Variants in DYNC2H1 observed in about 807,000 individuals in gnomAD.
DYNC2H1 encodes the protein dynein cytoplasmic 2 heavy chain 1.
In DYNC2H1, 410 loss-of-function variants were observed where a neutral mutation model predicts 570.0. The ratio of observed to expected loss-of-function variants is 0.72; its 90% CI spans 0.66 to 0.78. DYNC2H1 has a LOEUF of 0.78. Ranked by LOEUF, DYNC2H1 falls within the 30% of genes least tolerant of loss-of-function variation. DYNC2H1 has a pLI of 0.00. For synonymous variants in DYNC2H1, 1,688 were observed against 1,677.6 expected (o/e 1.01, Z -0.15); for missense variants, 4,865 against 5,046.4 (o/e 0.96, Z 1.09).
At position 103,222,998 on chromosome 11, in the gene DYNC2H1, T is replaced by A. The variant is rs928713530; in HGVS notation, c.9265T>A (p.Leu3089Met). ...AKRASTAAAP[L>M]AAWVKANIQY... ...GCGTGCCAGTACTGCAGCTGCACCTTTGGCTGCCTGGGTGAAAGCCAATAT... is the reference window on the plus strand; with the variant it reads ...GCGTGCCAGTACTGCAGCTGCACCTATGGCTGCCTGGGTGAAAGCCAATAT... The change falls in exon 59 of 89, where the codon TTG becomes ATG. Residue 3089 changes from leucine to methionine, a missense_variant. Physicochemically the swap from Leu to Met is conservative, Grantham distance 15. Transcript: ENST00000375735. 6.2e-7 allele frequency: 1 copy of A among 1,613,366 alleles called. No homozygotes were observed. The highest frequency in any genetic ancestry group is 1.3e-5 in the African/African-American group (1 of 74,898).
At chr11:103,349,669 C>T (rs2566925) in intron 82 of DYNC2H1, among the ~76,000 whole-genome samples, 102,756 of 152,022 alleles carry the variant, frequency 0.68, 34,819 homozygotes, top group Admixed American at 0.73. Context: ...ATAATAAATA[C>T]ACTTCGGTGA....
chr11:103,410,884 T>C (rs1943057649), intron 84 of DYNC2H1, among the ~76,000 whole-genome samples: 1 of 152,198 alleles, frequency 6.6e-6, no homozygotes, highest in African/African-American at 2.4e-5. Flanking sequence ...GTTCATTTAT[T>C]ACTAAATATT....
intron 83 of DYNC2H1, among the ~76,000 whole-genome samples, chr11:103,359,592 T>C (rs952229340): frequency 6.6e-6 from 1 of 152,106 alleles, no homozygotes; most frequent in African/African-American, 2.4e-5. Flanking sequence ...ATTTGCCTCC[T>C]GTGACCCAAC....
chr11:103,450,810 A>T (rs1021909329), intron 85 of DYNC2H1, among the ~76,000 whole-genome samples: 4 of 152,214 alleles, frequency 2.6e-5, no homozygotes, highest in Non-Finnish European at 5.9e-5. Flanking sequence ...AATTGCAATT[A>T]TATGTGAATG....
chr11:103,447,151 G>A (rs17100918), intron 85 of DYNC2H1, among the ~76,000 whole-genome samples: 22,681 of 151,916 alleles, frequency 0.15, 1,909 homozygotes, highest in East Asian at 0.26. Flanking sequence ...ATATCACAAA[G>A]TTCTACTGAA....
rs1455725460 is a variant in DYNC2H1, at chr11:103,179,015, T to C, written c.6140-11T>C. 5.0e-6 allele frequency: 8 copies of C among 1,599,016 alleles called. No homozygotes were observed. Among genetic ancestry groups the C allele is most frequent in the East Asian group, 2.2e-5 (1 of 44,596 alleles). ...TTTTATTTTGTCTCCACTGTTTTGATTTGAAAATAGATGTCAGCTCATGGA... is the reference window on the plus strand; with the variant it reads ...TTTTATTTTGTCTCCACTGTTTTGACTTGAAAATAGATGTCAGCTCATGGA... On this transcript the variant is annotated splice_polypyrimidine_tract_variant and intron_variant, in intron 38 of 88. Transcript: ENST00000375735.
intron 82 of DYNC2H1, among the ~76,000 whole-genome samples, chr11:103,346,138 G>C (rs924954868): frequency 6.6e-6 from 1 of 152,124 alleles, no homozygotes; most frequent in Non-Finnish European, 1.5e-5. Context: ...AAGATTAATT[G>C]CTAGTGTAAT....
chr11:103,271,799 G>A (rs748976350), intron 70 of DYNC2H1, among the ~76,000 whole-genome samples: 2 of 152,284 alleles, frequency 1.3e-5, no homozygotes, highest in Non-Finnish European at 2.9e-5. Context: ...AGACATTTAT[G>A]CAGCCAACAG....
chr11:103,148,624 A>C lies in DYNC2H1; in HGVS notation c.2946+7A>C, dbSNP rs1344983793. 7 of 1,551,520 alleles carry C rather than the reference A, an allele frequency of 4.5e-6. No homozygotes were observed. The East Asian group carries it at 7.2e-5, about 16-fold the overall frequency. On this transcript the variant is annotated splice_region_variant and intron_variant, in intron 20 of 88. Transcript: ENST00000375735. ...ACAAGAACGGAAGCCAGAGGTGAGAATCACAAAGTAAAATTATTATTATTA... is the reference window on the plus strand; with the variant it reads ...ACAAGAACGGAAGCCAGAGGTGAGACTCACAAAGTAAAATTATTATTATTA...
intron 12 of DYNC2H1, among the ~76,000 whole-genome samples, chr11:103,126,496 A>G (rs1353870967): frequency 9.9e-5 from 15 of 152,152 alleles, no homozygotes; most frequent in African/African-American, 3.4e-4. Flanking sequence ...TGCTTTCGTT[A>G]TGTTATTTTT....
chr11:103,150,501 T>C (rs1420150048), intron 20 of DYNC2H1, among the ~76,000 whole-genome samples: 5 of 152,104 alleles, frequency 3.3e-5, no homozygotes, highest in African/African-American at 1.2e-4. Context: ...AAAATATTGG[T>C]GCCATTTCCT....
At chr11:103,320,281 A>G (rs867353859) in intron 80 of DYNC2H1, among the ~76,000 whole-genome samples, 1 of 152,148 alleles carries the variant, frequency 6.6e-6, no homozygotes, top group Admixed American at 6.5e-5. Flanking sequence ...ATGCGCCTGT[A>G]ATCCCAGCTA....
intron 88 of DYNC2H1, among the ~76,000 whole-genome samples, chr11:103,469,389 CAT>C (rs1345151686): frequency 6.6e-6 from 1 of 152,140 alleles, no homozygotes; most frequent in African/African-American, 2.4e-5. Context: ...TAAGAATGCA[CAT>C]ATGACTACAT....
At chr11:103,323,551 GAA>G (rs1565495235) in intron 81 of DYNC2H1, among the ~76,000 whole-genome samples, 1 of 151,668 alleles carries the variant, frequency 6.6e-6, no homozygotes, top group Admixed American at 6.6e-5. Flanking sequence ...TAAGTTATAG[GAA>G]AAAAATTACA....
At position 103,275,910 on chromosome 11, in the gene DYNC2H1, G is replaced by A. The variant is rs1865888336; in HGVS notation, c.10696-4438G>A. ...AGGCAATTTCTGGATCATATGGTAA[G>A]AATATGTTTTGTTTTGTAAGAAACC... On this transcript the variant is annotated intron_variant, in intron 70 of 88. Coordinates refer to ENST00000375735, the MANE Select transcript of DYNC2H1 (RefSeq NM_001377.3). This position sits in a 1 kb window ranked among gnomAD's most constrained non-coding sequence, Gnocchi z 4.8. 6.6e-6 allele frequency among the ~76,000 whole-genome samples: 1 copy of A among 152,168 alleles called. No individual in the cohort carries two copies. Among genetic ancestry groups the A allele is most frequent in the Admixed American group, 6.5e-5 (1 of 15,278 alleles).
chr11:103,137,234 G>T lies in DYNC2H1; in HGVS notation c.2574+1286G>T, dbSNP rs367962430. On this transcript the variant is annotated intron_variant, in intron 17 of 88. Transcript: ENST00000375735. ...GTGCAGAAGCTCTTTAGTTGAATTA[G>T]ATCCCATTTGTCAATTTTGGCTTTT... Among the ~76,000 whole-genome samples the T allele has an allele frequency of 1.1e-3, 163 of 148,696 alleles. 6 individuals are homozygous for T. The East Asian group carries it at 0.025, about 23-fold the overall frequency.
In DYNC2H1 at chr11:103,133,838, C is replaced by A; in HGVS notation, c.2106+131C>A. 1.0e-6 allele frequency: 1 copy of A among 999,996 alleles called. No individual in the cohort carries two copies. Among genetic ancestry groups the A allele is most frequent in the Non-Finnish European group, 1.4e-6 (1 of 714,458 alleles). 61.9% of individuals were successfully genotyped at this position (999,996 alleles called of 1,614,324 possible). ...TTACAAAAATAGTACAGAGAAATCA[C>A]AATTCCCATTTGCCCAAATTCCCTG... is the stretch of plus-strand genomic sequence containing the variant. On this transcript the variant is annotated intron_variant, in intron 14 of 88. Coordinates refer to ENST00000375735, the MANE Select transcript of DYNC2H1 (RefSeq NM_001377.3). This position sits in a 1 kb window ranked among gnomAD's most constrained non-coding sequence, Gnocchi z 4.8.
At chr11:103,459,686 C>T (rs530582193) in intron 87 of DYNC2H1, among the ~76,000 whole-genome samples, 1 of 152,170 alleles carries the variant, frequency 6.6e-6, no homozygotes, top group East Asian at 1.9e-4. Flanking sequence ...GGCGCGGTGG[C>T]TCACGCCTGT....
At chr11:103,283,166 C>A in intron 73 of DYNC2H1, 81 bp downstream of exon 73, 2 of 1,147,084 alleles carry the variant, frequency 1.7e-6, no homozygotes, top group South Asian at 1.5e-5. Context: ...GCTCCTTATT[C>A]GTAATCAGTG....
Sources: gnomAD v4.1 joint callset for allele counts (sites outside exome capture counted in the v4.1 genomes callset) on GRCh38, gnomAD v4.1.1 for gene constraint, Gnocchi (gnomAD v3.1) non-coding constraint, MANE v1.5 for transcripts, NCBI Gene and HGNC (gene_info 2026-07-23, HGNC 2026-07-21) for gene names.